The following AP2A1 variants were observed in gnomAD, a reference collection of about 807,000 sequenced individuals.
AP2A1 encodes AP-2 complex subunit alpha-1.
A neutral mutation model predicts 107.3 loss-of-function variants in AP2A1; 21 were observed. That is an observed-to-expected ratio of 0.20 (90% CI 0.14 to 0.28). The LOEUF is 0.28. AP2A1 is among the 10% of genes least tolerant of loss of function. The pLI, the probability that AP2A1 is intolerant of heterozygous loss-of-function variation, is 1.00. For missense variants in AP2A1, 873 were observed against 1,307.7 expected (o/e 0.67, Z 5.13); for synonymous variants, 602 against 564.8 (o/e 1.07, Z -0.93).
At chr19:49,774,023 G>A (rs2084591776) in intron 1 of AP2A1, among the ~76,000 whole-genome samples, 1 of 7,574 alleles carries the variant, frequency 1.3e-4, no homozygotes, top group Non-Finnish European at 2.1e-4. Context: ...TGGGAGCCAT[G>A]GAAGGGGTTT....
At chr19:49,772,251 T>C (rs1022224914) in intron 1 of AP2A1, among the ~76,000 whole-genome samples, 1 of 111,546 alleles carries the variant, frequency 9.0e-6, no homozygotes, top group Admixed American at 9.2e-5. Flanking sequence ...ATAGAGTTTT[T>C]TTTTTTTTTT....
Position 49,801,398 on chromosome 19 carries a change from T to C in AP2A1, c.1562T>C (p.Val521Ala). Reference sequence around the variant, plus strand: ...CCCACTCCTGCACACAGCCCCCCAGTGCAGTTCTCCCTGCTCCACTCCAAG... The same window carrying C: ...CCCACTCCTGCACACAGCCCCCCAGCGCAGTTCTCCCTGCTCCACTCCAAG... The part of the protein sequence containing the change: ...IAGDPRSSPP[V>A]QFSLLHSKFH... Residue 521 changes from valine to alanine, a missense_variant, in exon 13 of 23, where the codon GTG (valine) becomes GCG (alanine). By Grantham distance (64) the Val-to-Ala change is moderately conservative. Around this residue, in one of 4 missense-constraint regions of AP2A1, gnomAD observed 213 missense variants for 443.5 expected, o/e 0.48. Coordinates refer to ENST00000354293, the MANE Select transcript of AP2A1 (RefSeq NM_130787.3). 6.2e-7 allele frequency: 1 copy of C among 1,613,286 alleles called. No individual in the cohort carries two copies. The highest frequency in any genetic ancestry group is 2.2e-5 in the East Asian group (1 of 44,858).
At chr19:49,774,107 CAG>C (rs1340140278) in intron 1 of AP2A1, among the ~76,000 whole-genome samples, 3 of 152,214 alleles carry the variant, frequency 2.0e-5, no homozygotes, top group African/African-American at 7.2e-5. Context: ...GGAAGTCAAA[CAG>C]ATTTCAATTT....
chr19:49,797,861 G>T (rs551331333), intron 7 of AP2A1, among the ~76,000 whole-genome samples: 1 of 152,134 alleles, frequency 6.6e-6, no homozygotes, highest in Non-Finnish European at 1.5e-5. Flanking sequence ...CAGAAGGATC[G>T]CTTGAGCCCA....
At chr19:49,782,468 G>A in intron 3 of AP2A1, 63 bp from the exon 4 acceptor site, 1 of 1,535,716 alleles carries the variant, frequency 6.5e-7, no homozygotes, top group Non-Finnish European at 8.8e-7. Flanking sequence ...CTGGGTCTGA[G>A]GGTTGGATCT....
intron 18 of AP2A1, 80 bp from the exon 19 acceptor site, chr19:49,805,373 C>T (rs2073352708): frequency 7.0e-7 from 1 of 1,433,200 alleles, no homozygotes; most frequent in Non-Finnish European, 9.2e-7. Context: ...GCGGGAGCTG[C>T]CGGGAGCTCT....
Position 49,806,806 on chromosome 19 carries a change from T to G in AP2A1, c.*48T>G. ...ATGTGGCCGGCACTGGGCAGCCCCT[T>G]GGACTGAGGCAGTTTTGGTGGATGG... On this transcript the variant is annotated 3_prime_UTR_variant, in exon 23 of 23. Transcript: ENST00000354293. The G allele has an allele frequency of 6.2e-7, 1 of 1,611,544 alleles. No homozygotes were observed. Among genetic ancestry groups the G allele is most frequent in the South Asian group, 1.1e-5 (1 of 90,840 alleles).
At chr19:49,800,710 A>G (rs889232410) in intron 11 of AP2A1, 34 of 403,066 alleles carry the variant, frequency 8.4e-5, no homozygotes, top group South Asian at 4.3e-4. Context: ...AGCTCAGGCA[A>G]TCTGCCCGCC....
intron 1 of AP2A1, among the ~76,000 whole-genome samples, chr19:49,777,959 A>C (rs2084633683): frequency 6.6e-6 from 1 of 151,976 alleles, no homozygotes; most frequent in Admixed American, 6.6e-5. Context: ...TATATTATAG[A>C]TATAATAATA....
At chr19:49,772,581 T>C (rs1369509525) in intron 1 of AP2A1, among the ~76,000 whole-genome samples, 1 of 151,622 alleles carries the variant, frequency 6.6e-6, no homozygotes, top group Non-Finnish European at 1.5e-5. Context: ...CTGCAAGTTC[T>C]GCCTCCCGGG....
In AP2A1 at chr19:49,801,745, G is replaced by T. The variant is rs1600242702; in HGVS notation, c.1809G>T (p.Pro603=). Residue 603 remains proline (P), a synonymous_variant, in exon 14 of 23, where the codon CCG becomes CCT. Transcript: ENST00000354293. ...DVLATVLEEM[P]PFPERESSIL... ...AGGCCACGGTGCTGGAGGAGATGCC[G>T]CCCTTCCCCGAGCGCGAGTCGTCCA... The T allele has an allele frequency of 1.9e-6, 3 of 1,565,130 alleles. No homozygotes were observed. The highest frequency in any genetic ancestry group is 3.7e-5 in the Admixed American group (2 of 54,184).
At chr19:49,782,754 G>T in intron 4 of AP2A1, 30 bp downstream of exon 4, 1 of 1,558,886 alleles carries the variant, frequency 6.4e-7, no homozygotes. Flanking sequence ...TTGGCAGTGG[G>T]GGGCCTGGGG....
rs1290961262 is a variant in AP2A1, at chr19:49,805,919, A to C, written c.2633A>C (p.Asp878Ala). 1 of 1,613,868 alleles carries C rather than the reference A, an allele frequency of 6.2e-7. No homozygotes were observed. Among genetic ancestry groups the C allele is most frequent in the Non-Finnish European group, 8.5e-7 (1 of 1,179,884 alleles). Reference protein sequence around the residue: ...QKIFKANHPMDAEVTKAKLLG... With the variant: ...QKIFKANHPMAAEVTKAKLLG... ...ATCTTCAAAGCCAACCACCCCATGGACGCAGAAGTTACTAAGGCCAAGGTG... is the reference window on the plus strand; with the variant it reads ...ATCTTCAAAGCCAACCACCCCATGGCCGCAGAAGTTACTAAGGCCAAGGTG... Residue 878 changes from aspartate (D) to alanine (A), a missense_variant, in exon 21 of 23, where the codon GAC (aspartate) becomes GCC (alanine). Physicochemically the swap from Asp to Ala is moderately radical, Grantham distance 126. This residue lies in a region of AP2A1 where 416 missense variants were observed against 473.4 expected (regional missense o/e 0.88). Coordinates refer to ENST00000354293, the MANE Select transcript of AP2A1 (RefSeq NM_130787.3).
chr19:49,788,831 T>C lies in AP2A1; in HGVS notation c.474-3104T>C, dbSNP rs536360679. Among the ~76,000 whole-genome samples the C allele has an allele frequency of 4.5e-4, 68 of 152,326 alleles. 1 individual carries two copies. Among genetic ancestry groups the C allele is most frequent in the Non-Finnish European group, 7.2e-4 (49 of 68,018 alleles). On this transcript the variant is annotated intron_variant, in intron 4 of 22. Coordinates refer to ENST00000354293, the MANE Select transcript of AP2A1 (RefSeq NM_130787.3). This position sits in a 1 kb window ranked among gnomAD's most constrained non-coding sequence, Gnocchi z 4.5. Reference sequence around the variant, plus strand: ...TGTGGCCAGGCTTCTTGCTGGTTTCTGGTTCTAACTTGATGACCACTGGGC... The same window carrying C: ...TGTGGCCAGGCTTCTTGCTGGTTTCCGGTTCTAACTTGATGACCACTGGGC...
rs547369327 is a variant in AP2A1 at position 49,782,656 on chromosome 19, C to T, written c.405C>T (p.Ile135=). 29 of 1,613,140 alleles carry T rather than the reference C, an allele frequency of 1.8e-5. No individual in the cohort carries two copies. Among genetic ancestry groups the T allele is most frequent in the East Asian group, 6.7e-5 (3 of 44,874 alleles). Residue 135 remains isoleucine (I), a synonymous_variant, in exon 4 of 23, where the codon ATC becomes ATT. Coordinates refer to ENST00000354293, the MANE Select transcript of AP2A1 (RefSeq NM_130787.3). ...PTFMCLALHC[I]ANVGSREMGE... The stretch of plus-strand genomic sequence containing the variant: ...TCATGTGCCTGGCCCTGCACTGCAT[C>T]GCCAACGTGGGCAGCCGGGAGATGG...
In AP2A1 at chr19:49,801,840, C is replaced by A; in HGVS notation, c.1904C>A (p.Pro635His). The part of the protein sequence containing the change: ...GSALDDGRRD[P>H]SSNDINGGME... Reference sequence around the variant, plus strand: ...GCCCTGGACGATGGCCGGAGGGACCCCAGCAGCAACGACATCAACGGGGGC... The same window carrying A: ...GCCCTGGACGATGGCCGGAGGGACCACAGCAGCAACGACATCAACGGGGGC... Residue 635 changes from proline (P) to histidine (H), a missense_variant, in exon 14 of 23, where the codon CCC (proline) becomes CAC (histidine). Physicochemically the swap from Pro to His is moderately conservative, Grantham distance 77. Coordinates refer to ENST00000354293, the MANE Select transcript of AP2A1 (RefSeq NM_130787.3). The A allele has an allele frequency of 6.6e-7, 1 of 1,514,204 alleles. No homozygotes were observed. Among genetic ancestry groups the A allele is most frequent in the Non-Finnish European group, 8.8e-7 (1 of 1,134,130 alleles). The allele number at this position is 1,514,204 out of a possible 1,614,324, so 93.8% of individuals were successfully genotyped here.
chr19:49,775,688 G>A (rs1024373449), intron 1 of AP2A1, among the ~76,000 whole-genome samples: 2 of 152,142 alleles, frequency 1.3e-5, no homozygotes, highest in Non-Finnish European at 2.9e-5. Flanking sequence ...GAGGCGGGAG[G>A]CATTGCACCC....
intron 5 of AP2A1, among the ~76,000 whole-genome samples, chr19:49,792,406 A>T (rs941413262): frequency 1.4e-5 from 2 of 146,488 alleles, no homozygotes; most frequent in Non-Finnish European, 3.0e-5. Flanking sequence ...TGGGGCTCCC[A>T]CCTCAGCCCT....
intron 4 of AP2A1, among the ~76,000 whole-genome samples, chr19:49,782,996 A>G (rs1346962937): frequency 6.6e-6 from 1 of 152,216 alleles, no homozygotes; most frequent in Non-Finnish European, 1.5e-5. Context: ...AAGAGGCGTA[A>G]CTGTGCTATG....
Sources: allele counts gnomAD v4.1 joint callset (sites outside exome capture counted in the v4.1 genomes callset), GRCh38; gene constraint gnomAD v4.1.1; regional missense constraint gnomAD v4.1.1; non-coding constraint Gnocchi (gnomAD v3.1); transcripts MANE v1.5; gene names NCBI Gene and HGNC (gene_info 2026-07-23, HGNC 2026-07-21).